The following DDR2 variants were observed in gnomAD, a reference collection of about 807,000 sequenced individuals.
The protein encoded by DDR2 is discoidin domain receptor tyrosine kinase 2.
A neutral mutation model predicts 94.9 loss-of-function variants in DDR2; 27 were observed. That is an observed-to-expected ratio of 0.28 (90% CI 0.21 to 0.39). DDR2 has a LOEUF of 0.39. Ranked by LOEUF, DDR2 falls within the 10% of genes least tolerant of loss-of-function variation. DDR2 has a pLI of 1.00. For missense variants in DDR2, 783 were observed against 1,076.0 expected (o/e 0.73, Z 3.81); for synonymous variants, 382 against 377.2 (o/e 1.01, Z -0.15).
At chr1:162,729,294 A>ATTT (rs1455925320) in intron 3 of DDR2, among the ~76,000 whole-genome samples, 50 of 30,008 alleles carry the variant, frequency 1.7e-3, no homozygotes, top group African/African-American at 4.2e-3. Flanking sequence ...ATATATATAT[A>ATTT]TATATATTTT....
chr1:162,718,272 A>G (rs1320622771), intron 2 of DDR2, among the ~76,000 whole-genome samples: 1 of 152,126 alleles, frequency 6.6e-6, no homozygotes, highest in Non-Finnish European at 1.5e-5. Context: ...CATTCCCAGA[A>G]TCAGCCATTT....
intron 9 of DDR2, among the ~76,000 whole-genome samples, chr1:162,763,375 T>A (rs1306917230): frequency 2.0e-5 from 1 of 49,224 alleles, no homozygotes; most frequent in Admixed American, 3.3e-4. Flanking sequence ...TTTTTTGCAT[T>A]TTTAGTAAAG....
chr1:162,635,262 C>A (rs1171817675), intron 1 of DDR2, among the ~76,000 whole-genome samples: 1 of 152,020 alleles, frequency 6.6e-6, no homozygotes, highest in Non-Finnish European at 1.5e-5. Flanking sequence ...TACTTCAAAC[C>A]TTTCCATGTA....
chr1:162,714,668 TTACTC>T (rs1467811260), intron 2 of DDR2, among the ~76,000 whole-genome samples: 2 of 152,194 alleles, frequency 1.3e-5, no homozygotes, highest in Admixed American at 1.3e-4. Flanking sequence ...TTCTGTTACA[TTACTC>T]TATTTTATTT....
intron 3 of DDR2, among the ~76,000 whole-genome samples, chr1:162,750,807 A>G (rs1173173098): frequency 1.3e-5 from 2 of 152,196 alleles, no homozygotes; most frequent in African/African-American, 4.8e-5. Flanking sequence ...GATATAGACC[A>G]ATGGAACAGA....
intron 9 of DDR2, among the ~76,000 whole-genome samples, chr1:162,763,177 G>C (rs908312488): frequency 4.7e-5 from 7 of 150,376 alleles, no homozygotes; most frequent in African/African-American, 1.7e-4. Flanking sequence ...TCTTTGACTA[G>C]AGTTTGCATT....
rs1187922648 is a variant in DDR2 at position 162,759,668 on chromosome 1, C to T, written c.672-128C>T. ...TAATGCAAATCTGATTATTTACAAT[C>T]CTTCAATTCCAAGATAATAAGCTCA... On this transcript the variant is annotated intron_variant, in intron 7 of 17. Transcript: ENST00000367921. 4 of 1,046,636 alleles carry T rather than the reference C, an allele frequency of 3.8e-6. No homozygotes were observed. The East Asian group carries it at 1.0e-4, about 27-fold the overall frequency. The allele number at this position is 1,046,636 out of a possible 1,614,324, so 64.8% of individuals were successfully genotyped here.
At chr1:162,647,017 G>GCAATTGT (rs1657445587) in intron 1 of DDR2, among the ~76,000 whole-genome samples, 2 of 152,144 alleles carry the variant, frequency 1.3e-5, no homozygotes, top group Non-Finnish European at 2.9e-5. Flanking sequence ...GAATGAAGGG[G>GCAATTGT]CAATTGTCAA....
At chr1:162,680,546 A>C (rs1251046832) in intron 2 of DDR2, among the ~76,000 whole-genome samples, 1 of 152,186 alleles carries the variant, frequency 6.6e-6, no homozygotes, top group Admixed American at 6.5e-5. Context: ...GCCCTGCAGT[A>C]TACTTTGAAG....
intron 2 of DDR2, among the ~76,000 whole-genome samples, chr1:162,717,922 C>G (rs1661242919): frequency 6.6e-6 from 1 of 152,134 alleles, no homozygotes; most frequent in Non-Finnish European, 1.5e-5. Flanking sequence ...GACAAAGTAA[C>G]TATGTGCAAC....
chr1:162,753,053 A>G (rs764243345), intron 3 of DDR2, 42 bp from the exon 4 acceptor site: 8 of 1,549,296 alleles, frequency 5.2e-6, no homozygotes, highest in Non-Finnish European at 7.1e-6. Flanking sequence ...AATAAAAATA[A>G]AACCATGTCC....
Position 162,772,253 on chromosome 1 carries a change from T to G in DDR2, c.1728+6T>G, listed in dbSNP as rs759234577. The G allele has an allele frequency of 6.2e-7, 1 of 1,613,692 alleles. No homozygotes were observed. The highest frequency in any genetic ancestry group is 8.5e-7 in the Non-Finnish European group (1 of 1,179,746). On this transcript the variant is annotated splice_donor_region_variant and intron_variant, in intron 13 of 17. Transcript: ENST00000367921. ...GAGAAGGACAGTTTGGGGAGGTGAGTTGATTCTTTGATTCCCTTATAGCTC... is the reference window on the plus strand; with the variant it reads ...GAGAAGGACAGTTTGGGGAGGTGAGGTGATTCTTTGATTCCCTTATAGCTC...
At position 162,782,233 on chromosome 1, in the gene DDR2, G is replaced by A. The variant is rs1647943405; in HGVS notation, c.*1987G>A. The A allele has an allele frequency of 6.6e-6, 1 of 152,174 alleles. No homozygotes were observed. The highest frequency in any genetic ancestry group is 1.5e-5 in the Non-Finnish European group (1 of 68,056). The allele number at this position is 152,174 out of a possible 1,614,324, so 9.4% of individuals were successfully genotyped here. A position where few individuals can be genotyped will look rare whatever the true frequency, so the allele number is the denominator to read the frequency against. ...CTGCATTTTGTTTTCTTATTTATAG[G>A]ATGAGGAAATTAGATTAAATGGTTT... On this transcript the variant is annotated 3_prime_UTR_variant, in exon 18 of 18. Coordinates refer to ENST00000367921, the MANE Select transcript of DDR2 (RefSeq NM_006182.4).
intron 3 of DDR2, among the ~76,000 whole-genome samples, chr1:162,752,602 CA>C (rs1571291213): frequency 6.6e-6 from 1 of 152,100 alleles, no homozygotes; most frequent in Non-Finnish European, 1.5e-5. Context: ...TAACCAGGGC[CA>C]AAAATGTGTG....
At chr1:162,776,112 C>T (rs773524383) in intron 15 of DDR2, 24 bp from the exon 16 acceptor site, 1 of 1,589,788 alleles carries the variant, frequency 6.3e-7, no homozygotes, top group South Asian at 1.1e-5. Context: ...AGGCTACCTT[C>T]TGTCTTCTTG....
At chr1:162,744,792 G>A (rs1662771725) in intron 3 of DDR2, among the ~76,000 whole-genome samples, 1 of 151,982 alleles carries the variant, frequency 6.6e-6, no homozygotes, top group Admixed American at 6.6e-5. Flanking sequence ...TGGCTTTTGT[G>A]AATGGTGCTG....
rs571204384 is a variant in DDR2, at chr1:162,697,629, A to G, written c.-27-21408A>G. ...TGTGTACTAGGGAGAGTCAAAATACATTTACTACGAAATGAGACCAGCTCC... is the reference window on the plus strand; with the variant it reads ...TGTGTACTAGGGAGAGTCAAAATACGTTTACTACGAAATGAGACCAGCTCC... On this transcript the variant is annotated intron_variant, in intron 2 of 17. Transcript: ENST00000367921. Among the ~76,000 whole-genome samples, 10 of 152,332 alleles carry G rather than the reference A, an allele frequency of 6.6e-5. No individual in the cohort carries two copies. In the East Asian group the frequency reaches 1.2e-3, roughly 18 times the overall value.
chr1:162,755,171 A>T lies in DDR2; in HGVS notation c.433A>T (p.Ser145Cys). 2 of 1,614,116 alleles carry T rather than the reference A, an allele frequency of 1.2e-6. No individual in the cohort carries two copies. Among genetic ancestry groups the T allele is most frequent in the Non-Finnish European group, 1.7e-6 (2 of 1,180,006 alleles). Residue 145 changes from serine to cysteine, a missense_variant, in exon 6 of 18, where the codon AGT becomes TGT. Ser to Cys is a moderately radical substitution (Grantham distance 112). Around this residue, in one of 2 missense-constraint regions of DDR2, gnomAD observed 519 missense variants for 647.9 expected, o/e 0.80. Coordinates refer to ENST00000367921, the MANE Select transcript of DDR2 (RefSeq NM_006182.4). ...CTCTCCTCAGGTGCTGGATGGAAAT[A>T]GTAACCCCTATGACATTTTCCTAAA... ...RHGKQVLDGN[S>C]NPYDIFLKDL...
chr1:162,690,457 T>C (rs1342761266), intron 2 of DDR2, among the ~76,000 whole-genome samples: 1 of 152,126 alleles, frequency 6.6e-6, no homozygotes, highest in Non-Finnish European at 1.5e-5. Flanking sequence ...TATTTACTGA[T>C]TCATTCAGCA....
Sources: allele counts gnomAD v4.1 joint callset (sites outside exome capture counted in the v4.1 genomes callset), GRCh38; gene constraint gnomAD v4.1.1; regional missense constraint gnomAD v4.1.1; transcripts MANE v1.5; gene names NCBI Gene and HGNC (gene_info 2026-07-23, HGNC 2026-07-21).